The following CDH18 variants were observed in gnomAD, a reference collection of about 807,000 sequenced individuals.
CDH18 encodes the protein cadherin 18, also known as cadherin-18.
Under a neutral mutation model 67.9 loss-of-function variants are expected in CDH18, and 31 were observed. The ratio of observed to expected loss-of-function variants is 0.46; its 90% CI spans 0.34 to 0.62. CDH18 has a LOEUF of 0.62. Ranked by LOEUF, CDH18 falls within the 20% of genes least tolerant of loss-of-function variation. CDH18 has a pLI of 0.01. For missense variants in CDH18, 890 were observed against 975.5 expected, an observed-to-expected ratio of 0.91 and a Z score of 1.17; for synonymous variants, 362 against 347.2, an observed-to-expected ratio of 1.04 and a Z score of -0.48.
intron 2 of CDH18, among the ~76,000 whole-genome samples, chr5:19,844,145 G>T (rs934047589): frequency 6.6e-6 from 1 of 152,174 alleles, no homozygotes; most frequent in Non-Finnish European, 1.5e-5. Flanking sequence ...GGACTGTAGG[G>T]AAGGTACAAT....
chr5:20,223,026 T>A (rs1316434192), intron 2 of CDH18, among the ~76,000 whole-genome samples: 1 of 152,090 alleles, frequency 6.6e-6, no homozygotes, highest in East Asian at 1.9e-4. Context: ...TTAATCAAAC[T>A]TCTTTGATGG....
chr5:20,021,448 T>C (rs1007842597), intron 2 of CDH18, among the ~76,000 whole-genome samples: 2 of 152,124 alleles, frequency 1.3e-5, no homozygotes, highest in South Asian at 2.1e-4. Flanking sequence ...AATTGGACTA[T>C]AATCCCCAAT....
intron 1 of CDH18, among the ~76,000 whole-genome samples, chr5:20,280,410 C>A (rs975075243): frequency 6.6e-6 from 1 of 152,218 alleles, no homozygotes; most frequent in East Asian, 1.9e-4. Context: ...TTCCTGTGAC[C>A]ATGCGTCCTC....
intron 2 of CDH18, among the ~76,000 whole-genome samples, chr5:20,111,175 G>A (rs1747427329): frequency 6.6e-6 from 1 of 152,070 alleles, no homozygotes; most frequent in Admixed American, 6.6e-5. Flanking sequence ...GTAAAGGGAG[G>A]GAATTAGAGA....
chr5:19,646,346 C>T (rs1045162436), intron 5 of CDH18, among the ~76,000 whole-genome samples: 6 of 151,978 alleles, frequency 3.9e-5, no homozygotes, highest in Non-Finnish European at 7.4e-5. Flanking sequence ...ATTATTATTA[C>T]TATTTTTGAG....
intron 5 of CDH18, among the ~76,000 whole-genome samples, chr5:19,708,451 A>G (rs942950499): frequency 1.3e-5 from 2 of 152,170 alleles, no homozygotes; most frequent in African/African-American, 4.8e-5. Flanking sequence ...CTTGCAAAAA[A>G]AAAGGGGGGG....
chr5:20,325,002 TA>T (rs1738418552), intron 1 of CDH18, among the ~76,000 whole-genome samples: 1 of 152,206 alleles, frequency 6.6e-6, no homozygotes, highest in Non-Finnish European at 1.5e-5. Flanking sequence ...CTATATCCTT[TA>T]AAAATTACTT....
chr5:19,854,876 T>A (rs1444990434), intron 2 of CDH18, among the ~76,000 whole-genome samples: 1 of 145,096 alleles, frequency 6.9e-6, no homozygotes. Context: ...TTTATCCCCC[T>A]CCCCCCACTA....
At chr5:20,153,517 C>A (rs1409407982) in intron 2 of CDH18, among the ~76,000 whole-genome samples, 1 of 152,146 alleles carries the variant, frequency 6.6e-6, no homozygotes, top group Admixed American at 6.5e-5. Context: ...GATGACATAA[C>A]ATAAATTGCT....
Position 19,688,422 on chromosome 5 carries a change from C to T in CDH18, c.643+32925G>A, listed in dbSNP as rs188223069. Among the ~76,000 whole-genome samples the T allele has an allele frequency of 7.9e-5, 12 of 152,250 alleles. No homozygotes were observed. In the East Asian group the frequency reaches 2.1e-3, roughly 27 times the overall value. On this transcript the variant is annotated intron_variant, in intron 5 of 12. Transcript: ENST00000382275. ...CCTAAGCTACTGAGGAAATCACAGA[C>T]ATCATTGCTGTTCTTTACAGCTGAA...
intron 8 of CDH18, among the ~76,000 whole-genome samples, chr5:19,561,013 T>A (rs577315024): frequency 3.9e-5 from 6 of 152,088 alleles, no homozygotes; most frequent in African/African-American, 1.2e-4. Flanking sequence ...AAATAATAGA[T>A]GTTGGCATGG....
At position 19,471,529 on chromosome 5, in the gene CDH18, C is replaced by T. The variant is rs149012389; in HGVS notation, c.*1697G>A. On this transcript the variant is annotated 3_prime_UTR_variant, in exon 13 of 13. Coordinates refer to ENST00000382275, the MANE Select transcript of CDH18 (RefSeq NM_004934.5). The stretch of plus-strand genomic sequence containing the variant: ...AATTTAAAGAGCAAAGGAAAAACTC[C>T]GGTGTCAACTAATTCCTATTTCATG... Among the ~76,000 whole-genome samples the T allele has an allele frequency of 6.6e-5, 10 of 152,004 alleles. No homozygotes were observed. The highest frequency in any genetic ancestry group is 9.6e-5 in the African/African-American group (4 of 41,480).
intron 2 of CDH18, among the ~76,000 whole-genome samples, chr5:20,094,762 C>G (rs1394960162): frequency 2.0e-5 from 3 of 151,964 alleles, no homozygotes; most frequent in Non-Finnish European, 4.4e-5. Flanking sequence ...CCTCAAGGAT[C>G]TAGAACTAGA....
At chr5:20,287,510 T>C (rs1746776535) in intron 1 of CDH18, among the ~76,000 whole-genome samples, 1 of 151,764 alleles carries the variant, frequency 6.6e-6, no homozygotes, top group Admixed American at 6.6e-5. Flanking sequence ...CTAAATATCT[T>C]CTCAAATTAA....
chr5:19,960,986 G>A (rs1013181665), intron 2 of CDH18, among the ~76,000 whole-genome samples: 3 of 116,912 alleles, frequency 2.6e-5, no homozygotes, highest in African/African-American at 7.6e-5. Flanking sequence ...AAGACTGGGA[G>A]TGCAGGAGGT....
chr5:20,151,320 T>C (rs1456827084), intron 2 of CDH18, among the ~76,000 whole-genome samples: 2 of 152,122 alleles, frequency 1.3e-5, no homozygotes, highest in Non-Finnish European at 2.9e-5. Flanking sequence ...AACATAATTG[T>C]ATTCCTTTTT....
chr5:19,899,981 C>T (rs533401281), intron 2 of CDH18, among the ~76,000 whole-genome samples: 10 of 152,146 alleles, frequency 6.6e-5, no homozygotes, highest in South Asian at 6.2e-4. Flanking sequence ...ATTTCAATTA[C>T]GCAAGATGAG....
At chr5:19,958,242 C>A (rs904663715) in intron 2 of CDH18, among the ~76,000 whole-genome samples, 7 of 151,582 alleles carry the variant, frequency 4.6e-5, no homozygotes, top group African/African-American at 9.7e-5. Context: ...ACACTCTCAA[C>A]CATTGATCTA....
At chr5:19,717,462 G>A (rs1261880182) in intron 5 of CDH18, among the ~76,000 whole-genome samples, 5 of 151,964 alleles carry the variant, frequency 3.3e-5, no homozygotes. Context: ...GTAGATTTCT[G>A]GTTCTGTCTC....
Sources: gnomAD v4.1 joint callset for allele counts (sites outside exome capture counted in the v4.1 genomes callset) on GRCh38, gnomAD v4.1.1 for gene constraint, MANE v1.5 for transcripts, NCBI Gene and HGNC (gene_info 2026-07-23, HGNC 2026-07-21) for gene names.